TRIM37: variants seen among roughly 807,000 people sequenced by gnomAD.
The protein encoded by TRIM37 is E3 ubiquitin-protein ligase TRIM37.
In TRIM37, 80 loss-of-function variants were observed where a neutral mutation model predicts 129.8. That is an observed-to-expected ratio of 0.62 (90% CI 0.51 to 0.74). The LOEUF is 0.74. Among genes scored for constraint, TRIM37 ranks in the 30% least tolerant of loss-of-function variants. The probability of loss-of-function intolerance (pLI) is 0.00; values close to 1 mark genes in which losing one functional copy is unlikely to be tolerated. For synonymous variants in TRIM37, 389 were observed against 387.1 expected, an observed-to-expected ratio of 1.00 and a Z score of -0.06; for missense variants, 1,054 against 1,176.5, an observed-to-expected ratio of 0.90 and a Z score of 1.52.
intron 12 of TRIM37, 38 bp downstream of exon 12, chr17:59,060,988 TATGTAA>T: frequency 1.4e-6 from 2 of 1,419,930 alleles, no homozygotes; most frequent in Middle Eastern, 3.5e-4. Context: ...AGGGGGAAGG[TATGTAA>T]ATGCACATTA....
intron 24 of TRIM37, among the ~76,000 whole-genome samples, chr17:58,985,974 A>G (rs1207876807): frequency 2.0e-5 from 3 of 152,234 alleles, no homozygotes; most frequent in Non-Finnish European, 4.4e-5. Flanking sequence ...TACACTTGAA[A>G]AAATTCCCTA....
intron 2 of TRIM37, among the ~76,000 whole-genome samples, chr17:59,102,469 G>C (rs551614444): frequency 6.6e-6 from 1 of 152,134 alleles, no homozygotes; most frequent in African/African-American, 2.4e-5. Flanking sequence ...TAAAACATGG[G>C]TAAGTGTTAA....
intron 21 of TRIM37, among the ~76,000 whole-genome samples, chr17:59,013,552 C>T (rs1384878583): frequency 6.6e-6 from 1 of 152,118 alleles, no homozygotes; most frequent in African/African-American, 2.4e-5. Context: ...ACACAGCACA[C>T]ATGAAAAATT....
downstream of TRIM37, among the ~76,000 whole-genome samples, chr17:58,996,452 AGAGT>A (rs912644253): frequency 2.0e-5 from 3 of 150,368 alleles, no homozygotes; most frequent in Non-Finnish European, 3.0e-5. Context: ...CCTGGCCGAC[AGAGT>A]GAGAACCTGT....
At position 59,085,332 on chromosome 17, in the gene TRIM37, AAAAAG is replaced by A. The variant is rs958358584; in HGVS notation, c.282-1248_282-1244del. Reference sequence around the variant, plus strand: ...ACAGAGCAAGACTCTGCCTCAAAAAAAAAAGAAAAGAATGAAGGTTTAACATCCAG... The same window carrying A: ...ACAGAGCAAGACTCTGCCTCAAAAAAAAAAGAATGAAGGTTTAACATCCAG... On this transcript the variant is annotated intron_variant, in intron 4 of 23. Transcript: ENST00000262294. 5.3e-5 allele frequency among the ~76,000 whole-genome samples: 8 copies of A among 152,192 alleles called. No homozygotes were observed. In the East Asian group the frequency reaches 7.7e-4, roughly 15 times the overall value.
At chr17:59,048,066 T>G (rs1359852560) in intron 15 of TRIM37, among the ~76,000 whole-genome samples, 1 of 152,144 alleles carries the variant, frequency 6.6e-6, no homozygotes, top group African/African-American at 2.4e-5. Context: ...CCTTCACATA[T>G]TCCACATCAG....
At position 59,081,220 on chromosome 17, in the gene TRIM37, C is replaced by T. The variant is rs1285784670; in HGVS notation, c.370-1G>A. ...AAGGTTTAAAGGTATGTCCGCCATGCTATTTAAATTAGAGTAGCTTTAGAA... is the reference window on the plus strand; with the variant it reads ...AAGGTTTAAAGGTATGTCCGCCATGTTATTTAAATTAGAGTAGCTTTAGAA... On this transcript the variant is annotated splice_acceptor_variant, in intron 5 of 23. Coordinates refer to ENST00000262294, the MANE Select transcript of TRIM37 (RefSeq NM_015294.6). LOFTEE classifies it high-confidence loss of function. 1 of 1,613,086 alleles carries T rather than the reference C, an allele frequency of 6.2e-7. No homozygotes were observed. The highest frequency in any genetic ancestry group is 1.1e-5 in the South Asian group (1 of 91,076).
chr17:59,078,825 T>C (rs2043031004), intron 7 of TRIM37, among the ~76,000 whole-genome samples: 1 of 152,166 alleles, frequency 6.6e-6, no homozygotes, highest in African/African-American at 2.4e-5. Flanking sequence ...ACTAGAAGAA[T>C]GATTGTTTAA....
chr17:59,105,672 A>G (rs1034688364), intron 1 of TRIM37, among the ~76,000 whole-genome samples: 3 of 152,222 alleles, frequency 2.0e-5, no homozygotes, highest in African/African-American at 7.2e-5. Flanking sequence ...ATGACTCTGT[A>G]GGGCCAGAAA....
At chr17:59,037,897 C>T (rs1000764464) in intron 17 of TRIM37, among the ~76,000 whole-genome samples, 2 of 152,060 alleles carry the variant, frequency 1.3e-5, no homozygotes, top group African/African-American at 4.8e-5. Context: ...CTCAGACTTT[C>T]CTTATGTCTG....
At position 59,001,610 on chromosome 17, in the gene TRIM37, G is replaced by T. The variant is rs1420578023; in HGVS notation, c.2800C>A (p.Pro934Thr). ...TCATGTGCTGCACCTTCATCCGGGG[G>T]CTGTGTCATGACCATGAAGGAGTCG... ...FHDSFMVMTQ[P>T]PDEDTHSSFP... The change falls in exon 23 of 24, where the codon CCC becomes ACC. Residue 934 changes from proline (P) to threonine (T), a missense_variant. Pro to Thr is a conservative substitution (Grantham distance 38, BLOSUM62 -1). This residue lies in a region of TRIM37 where 287 missense variants were observed against 274.3 expected (regional missense o/e 1.05). Coordinates refer to ENST00000262294, the MANE Select transcript of TRIM37 (RefSeq NM_015294.6). The T allele has an allele frequency of 1.9e-6, 3 of 1,613,880 alleles. No individual in the cohort carries two copies. The highest frequency in any genetic ancestry group is 1.3e-5 in the African/African-American group (1 of 74,866).
chr17:59,031,517 T>C (rs1161474114), intron 18 of TRIM37, among the ~76,000 whole-genome samples: 1 of 152,246 alleles, frequency 6.6e-6, no homozygotes, highest in African/African-American at 2.4e-5. Context: ...CATCAAAGAA[T>C]GAGTAAGTCA....
the TRIM37 span, among the ~76,000 whole-genome samples, chr17:58,972,641 G>A: frequency 2.6e-5 from 4 of 152,158 alleles, no homozygotes; most frequent in East Asian, 1.9e-4. Flanking sequence ...GTGAGCCACC[G>A]CGCCCGGCCA....
rs1483701810 is a variant in TRIM37 at position 59,049,323 on chromosome 17, G to C, written c.1385C>G (p.Pro462Arg). 1 of 1,614,030 alleles carries C rather than the reference G, an allele frequency of 6.2e-7. No individual in the cohort carries two copies. Among genetic ancestry groups the C allele is most frequent in the Non-Finnish European group, 8.5e-7 (1 of 1,180,010 alleles). Residue 462 changes from proline to arginine, a missense_variant, in exon 15 of 24, where the codon CCC becomes CGC. Coordinates refer to ENST00000262294, the MANE Select transcript of TRIM37 (RefSeq NM_015294.6). The stretch of plus-strand genomic sequence containing the variant: ...TGTCTCCAGAGCATCATCATTTTGG[G>C]GGCTAAGATGGTTATCTGGTGGTGA... ...DLSPPDNHLS[P>R]QNDDALETRA... is the part of the protein sequence containing the mutation.
intron 16 of TRIM37, among the ~76,000 whole-genome samples, chr17:59,044,540 C>T (rs996289121): frequency 2.0e-5 from 3 of 151,714 alleles, no homozygotes; most frequent in Admixed American, 6.6e-5. Context: ...CCAGCCTGGG[C>T]GACAAGAGCG....
chr17:59,101,428 A>C (rs1389806072), intron 2 of TRIM37, among the ~76,000 whole-genome samples: 1 of 152,056 alleles, frequency 6.6e-6, no homozygotes, highest in Non-Finnish European at 1.5e-5. Context: ...TGAGGTAACC[A>C]ATGTTCATAC....
At chr17:59,088,036 A>C in intron 4 of TRIM37, 1 of 590,574 alleles carries the variant, frequency 1.7e-6, no homozygotes, top group Non-Finnish European at 3.0e-6. Flanking sequence ...CCTATCATCT[A>C]GCAAAGTACT....
chr17:59,105,512 TTATTG>T (rs2045916978), intron 1 of TRIM37, among the ~76,000 whole-genome samples: 1 of 152,240 alleles, frequency 6.6e-6, no homozygotes, highest in Non-Finnish European at 1.5e-5. Context: ...AAACGTATAC[TTATTG>T]TATTGTATAC....
chr17:59,102,877 A>AT (rs78784428), intron 2 of TRIM37, among the ~76,000 whole-genome samples: 229 of 147,374 alleles, frequency 1.6e-3, no homozygotes, highest in African/African-American at 2.3e-3. Flanking sequence ...GGAAACAGAA[A>AT]TTTTTTTTTT....
Sources: gnomAD v4.1 joint callset for allele counts (sites outside exome capture counted in the v4.1 genomes callset) on GRCh38, gnomAD v4.1.1 for gene constraint, gnomAD v4.1.1 regional missense constraint, MANE v1.5 for transcripts, NCBI Gene and HGNC (gene_info 2026-07-23, HGNC 2026-07-21) for gene names.